EEF1A1: variants seen among roughly 807,000 people sequenced by gnomAD.
The protein encoded by EEF1A1 is elongation factor 1-alpha 1.
EEF1A1 carries 1 observed loss-of-function variant against 38.5 expected under a neutral mutation model. The ratio of observed to expected loss-of-function variants is 0.03; its 90% CI spans 0.01 to 0.12. The LOEUF is 0.12. EEF1A1 is among the 10% of genes least tolerant of loss of function. EEF1A1 has a pLI of 1.00. For missense variants in EEF1A1, 184 were observed against 588.3 expected, an observed-to-expected ratio of 0.31 and a Z score of 7.11; for synonymous variants, 229 against 203.7, an observed-to-expected ratio of 1.12 and a Z score of -1.06.
In EEF1A1 at chr6:73,515,969, C is replaced by G. The variant is rs1010499213; in HGVS notation, c.*1841G>C. 1 of 152,182 alleles carries G rather than the reference C, an allele frequency of 6.6e-6. No homozygotes were observed. The highest frequency in any genetic ancestry group is 1.5e-5 in the Non-Finnish European group (1 of 68,046). The allele number at this position is 152,182 out of a possible 1,614,324, so 9.4% of individuals were successfully genotyped here. On this transcript the variant is annotated 3_prime_UTR_variant, in exon 8 of 8. Coordinates refer to ENST00000309268, the MANE Select transcript of EEF1A1 (RefSeq NM_001402.6). The stretch of plus-strand genomic sequence containing the variant: ...AAGAATTCTCTACTGGTAAATCTTA[C>G]AGGTGTCAACTTTCATTATCAGGGC...
intron 2 of EEF1A1, 114 bp from the exon 3 acceptor site, chr6:73,519,630 A>G (rs1246063061): frequency 4.6e-6 from 6 of 1,297,590 alleles, no homozygotes; most frequent in Non-Finnish European, 5.3e-6. Context: ...GTCCAAAGTG[A>G]TTTTAGTCAC....
rs1455698714 is a variant in EEF1A1, at chr6:73,517,100, C to T, written c.*710G>A. 1.3e-5 allele frequency: 2 copies of T among 152,282 alleles called. No homozygotes were observed. Among genetic ancestry groups the T allele is most frequent in the Non-Finnish European group, 2.9e-5 (2 of 68,114 alleles). 9.4% of individuals were successfully genotyped at this position (152,282 alleles called of 1,614,324 possible). On this transcript the variant is annotated 3_prime_UTR_variant, in exon 8 of 8. Transcript: ENST00000309268. ...CATAGGGTGTACACTAGCCACTACA[C>T]TTATTTCTTATGTCATGGCAAATAG...
chr6:73,516,434 AC>A lies in EEF1A1; in HGVS notation c.*1375del, dbSNP rs1235794048. The A allele has an allele frequency of 1.3e-5, 2 of 151,686 alleles. No homozygotes were observed. Among genetic ancestry groups the A allele is most frequent in the African/African-American group, 4.9e-5 (2 of 41,226 alleles). 9.4% of individuals were successfully genotyped at this position (151,686 alleles called of 1,614,324 possible). A position where few individuals can be genotyped will look rare whatever the true frequency, so the allele number is the denominator to read the frequency against. ...AGACCAGCCTGACCAACATGGAAAAACCTCATCTCTATTAAAAACACCAAAT... is the reference window on the plus strand; with the variant it reads ...AGACCAGCCTGACCAACATGGAAAAACTCATCTCTATTAAAAACACCAAAT... On this transcript the variant is annotated 3_prime_UTR_variant, in exon 8 of 8. Transcript: ENST00000309268.
intron 2 of EEF1A1, 142 bp from the exon 3 acceptor site, chr6:73,519,658 A>G: frequency 1.7e-6 from 2 of 1,173,712 alleles, no homozygotes; most frequent in Non-Finnish European, 2.4e-6. Flanking sequence ...TACAGAAGCA[A>G]CCAAAAATCA....
At position 73,516,722 on chromosome 6, in the gene EEF1A1, GCA is replaced by G. The variant is rs1765525060; in HGVS notation, c.*1086_*1087del. 6.6e-6 allele frequency: 1 copy of G among 152,028 alleles called. No homozygotes were observed. The highest frequency in any genetic ancestry group is 2.4e-5 in the African/African-American group (1 of 41,374). 9.4% of individuals were successfully genotyped at this position (152,028 alleles called of 1,614,324 possible). On this transcript the variant is annotated 3_prime_UTR_variant, in exon 8 of 8. Coordinates refer to ENST00000309268, the MANE Select transcript of EEF1A1 (RefSeq NM_001402.6). ...GACACTTTTACATATGGGAGGTCAG[GCA>G]CAGTGGCTCATGCCTGTAATCCCAG... is the stretch of plus-strand genomic sequence containing the variant.
Position 73,519,166 on chromosome 6 carries a change from C to G in EEF1A1, c.387G>C (p.Lys129Asn). The G allele has an allele frequency of 1.3e-6, 2 of 1,590,126 alleles. No individual in the cohort carries two copies. The highest frequency in any genetic ancestry group is 1.7e-6 in the Non-Finnish European group (2 of 1,173,780). The part of the protein sequence containing the change: ...GVGEFEAGIS[K>N]NGQTREHALL... ...GGGCATGCTCTCGGGTCTGCCCATT[C>G]TTGGAGATACCAGCTTCAAATTCAC... The change falls in exon 4 of 8, where the codon AAG (lysine) becomes AAC (asparagine). Residue 129 changes from lysine (K) to asparagine (N), a missense_variant. By Grantham distance (94) the Lys-to-Asn change is moderately conservative. Transcript: ENST00000309268.
chr6:73,516,155 A>T lies in EEF1A1; in HGVS notation c.*1655T>A, dbSNP rs2150050683. On this transcript the variant is annotated 3_prime_UTR_variant, in exon 8 of 8. Transcript: ENST00000309268. The stretch of plus-strand genomic sequence containing the variant: ...TCAGAGCACTGGCTGATGGGAAGGC[A>T]TTTTATCTAATTCAGACTCAGATGA... 6.6e-6 allele frequency: 1 copy of T among 152,370 alleles called. No individual in the cohort carries two copies. Among genetic ancestry groups the T allele is most frequent in the Admixed American group, 6.5e-5 (1 of 15,302 alleles). The allele number at this position is 152,370 out of a possible 1,614,324, so 9.4% of individuals were successfully genotyped here. A position where few individuals can be genotyped will look rare whatever the true frequency, so the allele number is the denominator to read the frequency against.
chr6:73,517,930 G>A lies in EEF1A1; in HGVS notation c.1269C>T (p.Arg423=), dbSNP rs779925520. The A allele has an allele frequency of 1.5e-5, 24 of 1,613,280 alleles. No homozygotes were observed. Among genetic ancestry groups the A allele is most frequent in the Non-Finnish European group, 1.8e-5 (21 of 1,179,864 alleles). The change falls in exon 8 of 8, where the codon CGC becomes CGT. Residue 423 remains arginine (R), a synonymous_variant. Transcript: ENST00000309268. ...TCTGTCTCATATCACGAACAGCAAA[G>A]CGACCTATTAAAAAAAAAGTTAATT... The part of the protein sequence containing the change: ...ESFSDYPPLG[R]FAVRDMRQTV...
intron 6 of EEF1A1, 24 bp from the exon 7 acceptor site, chr6:73,518,288 G>A (rs377638284): frequency 1.2e-6 from 2 of 1,611,184 alleles, no homozygotes; most frequent in Non-Finnish European, 1.7e-6. Context: ...TTTGCATTCA[G>A]TGCAAATCCA....
rs994530209 is a variant in EEF1A1, at chr6:73,518,205, G to A, written c.1089C>T (p.Cys363=). ...ACTTGCATGCAATGTGAGCCGTGTG[G>A]CAATCCAATACAGGGGCATAGCCGG... is the stretch of plus-strand genomic sequence containing the variant. ...ISAGYAPVLD[C]HTAHIACKFA... Residue 363 remains cysteine, a synonymous_variant, in exon 7 of 8, where the codon TGC becomes TGT. Coordinates refer to ENST00000309268, the MANE Select transcript of EEF1A1 (RefSeq NM_001402.6). The A allele has an allele frequency of 9.3e-6, 15 of 1,613,958 alleles. No individual in the cohort carries two copies. Among genetic ancestry groups the A allele is most frequent in the Non-Finnish European group, 1.3e-5 (15 of 1,179,998 alleles).
In EEF1A1 at chr6:73,518,933, T is replaced by C; in HGVS notation, c.620A>G (p.Asn207Ser). 1 of 1,612,214 alleles carries C rather than the reference T, an allele frequency of 6.2e-7. No individual in the cohort carries two copies. The highest frequency in any genetic ancestry group is 8.5e-7 in the Non-Finnish European group (1 of 1,178,328). ...ACAATGGTCTTGAAAGCCACTTACGTTAGCACTTGGCTCCAGCATGTTGTC... is the reference window on the plus strand; with the variant it reads ...ACAATGGTCTTGAAAGCCACTTACGCTAGCACTTGGCTCCAGCATGTTGTC... ...NGDNMLEPSA[N>S]MPWFKGWKVT... Residue 207 changes from asparagine (N) to serine (S), a missense_variant and splice_region_variant, in exon 4 of 8, where the codon AAC becomes AGC. Physicochemically the swap from Asn to Ser is conservative, Grantham distance 46 (BLOSUM62 1). Coordinates refer to ENST00000309268, the MANE Select transcript of EEF1A1 (RefSeq NM_001402.6).
rs375571173 is a variant in EEF1A1, at chr6:73,517,897, C to A, written c.1302G>T (p.Ala434=). ...FAVRDMRQTV[A]VGVIKAVDKK... is the part of the protein sequence containing the mutation. ...TGTCCACTGCTTTGATGACACCCAC[C>A]GCAACTGTCTGTCTCATATCACGAA... Residue 434 remains alanine (A), a synonymous_variant, in exon 8 of 8, where the codon GCG becomes GCT. Transcript: ENST00000309268. 1.2e-6 allele frequency: 2 copies of A among 1,612,290 alleles called. No individual in the cohort carries two copies. Among genetic ancestry groups the A allele is most frequent in the Non-Finnish European group, 8.5e-7 (1 of 1,179,682 alleles).
At chr6:73,519,696 T>C (rs181225703) in intron 2 of EEF1A1, among the ~76,000 whole-genome samples, 180 bp from the exon 3 acceptor site, 63 of 152,290 alleles carry the variant, frequency 4.1e-4, no homozygotes, top group Admixed American at 3.6e-3. Flanking sequence ...TCTTAACTAT[T>C]AACATCCAAA....
Position 73,518,569 on chromosome 6 carries a change from G to T in EEF1A1, c.814C>A (p.Leu272Ile). Residue 272 changes from leucine (L) to isoleucine (I), a missense_variant, in exon 6 of 8, where the codon CTC (leucine) becomes ATC (isoleucine). Around this residue, in one of 3 missense-constraint regions of EEF1A1, gnomAD observed 81 missense variants for 286.3 expected, o/e 0.28. Transcript: ENST00000309268. ...AAGGTGACCACCATACCGGGTTTGA[G>T]AACACCAGTCTCCACTCGGCCAACA... ...VPVGRVETGV[L>I]KPGMVVTFAP... 6.2e-7 allele frequency: 1 copy of T among 1,613,642 alleles called. No homozygotes were observed. The highest frequency in any genetic ancestry group is 8.5e-7 in the Non-Finnish European group (1 of 1,179,674).
rs1279902221 is a variant in EEF1A1 at position 73,519,406 on chromosome 6, G to A, written c.255C>T (p.Tyr85=). Residue 85 remains tyrosine (Y), a synonymous_variant, in exon 3 of 8, where the codon TAC becomes TAT. Coordinates refer to ENST00000309268, the MANE Select transcript of EEF1A1 (RefSeq NM_001402.6). ...CTGGGGCATCAATGATAGTCACATAGTACTTGCTGGTCTCAAATTTCCACA... is the reference window on the plus strand; with the variant it reads ...CTGGGGCATCAATGATAGTCACATAATACTTGCTGGTCTCAAATTTCCACA... ...ISLWKFETSK[Y]YVTIIDAPGH... 3.7e-6 allele frequency: 6 copies of A among 1,609,532 alleles called. No homozygotes were observed. The highest frequency in any genetic ancestry group is 1.1e-5 in the South Asian group (1 of 91,068).
rs201057606 is a variant in EEF1A1 at position 73,519,010 on chromosome 6, A to T, written c.543T>A (p.Ile181=). 1 of 1,603,452 alleles carries T rather than the reference A, an allele frequency of 6.2e-7. No homozygotes were observed. The highest frequency in any genetic ancestry group is 1.7e-5 in the Admixed American group (1 of 59,012). The change falls in exon 4 of 8, where the codon ATT becomes ATA. Residue 181 remains isoleucine (I), a synonymous_variant. Coordinates refer to ENST00000309268, the MANE Select transcript of EEF1A1 (RefSeq NM_001402.6). ...ATGCTACTGTGTCGGGGTTGTAGCC[A>T]ATTTTCTTAATGTAAGTGCTGACTT... ...VKEVSTYIKK[I]GYNPDTVAFV...
At chr6:73,517,998 C>T (rs1217976125) in intron 7 of EEF1A1, 32 bp downstream of exon 7, 2 of 1,611,062 alleles carry the variant, frequency 1.2e-6, no homozygotes, top group African/African-American at 1.3e-5. Context: ...ATCTTTAACA[C>T]AACTTTTTTA....
Position 73,516,564 on chromosome 6 carries a change from C to T in EEF1A1, c.*1246G>A, listed in dbSNP as rs1298568081. 6.6e-6 allele frequency: 1 copy of T among 152,092 alleles called. No homozygotes were observed. Among genetic ancestry groups the T allele is most frequent in the East Asian group, 1.9e-4 (1 of 5,190 alleles). 9.4% of individuals were successfully genotyped at this position (152,092 alleles called of 1,614,324 possible). ...TGAGATTTTGCCATTGCATTCTAGC[C>T]TGGGCAACAAGAACTCCATCTTAAA... On this transcript the variant is annotated 3_prime_UTR_variant, in exon 8 of 8. Transcript: ENST00000309268.
intron 1 of EEF1A1, 41 bp from the exon 2 acceptor site, chr6:73,520,097 T>A (rs1765614721): frequency 3.3e-6 from 5 of 1,536,532 alleles, no homozygotes; most frequent in Non-Finnish European, 4.3e-6. Flanking sequence ...TGTCTGAGGC[T>A]TGAGAATGAA....
Sources: gnomAD v4.1 joint callset for allele counts (sites outside exome capture counted in the v4.1 genomes callset) on GRCh38, gnomAD v4.1.1 for gene constraint, gnomAD v4.1.1 regional missense constraint, MANE v1.5 for transcripts, NCBI Gene and HGNC (gene_info 2026-07-23, HGNC 2026-07-21) for gene names.